ABCB9: variants seen among roughly 807,000 people sequenced by gnomAD.
ABCB9 encodes the protein ABC-type oligopeptide transporter ABCB9.
A neutral mutation model predicts 62.0 loss-of-function variants in ABCB9; 36 were observed. The ratio of observed to expected loss-of-function variants is 0.58; its 90% CI spans 0.45 to 0.77. The LOEUF (loss-of-function observed/expected upper bound fraction) is 0.77. Ranked by LOEUF, ABCB9 falls within the 30% of genes least tolerant of loss-of-function variation. The pLI, the probability that ABCB9 is intolerant of heterozygous loss-of-function variation, is 0.00. For synonymous variants in ABCB9, 435 were observed against 461.4 expected (o/e 0.94, Z 0.73); for missense variants, 943 against 1,054.7 (o/e 0.89, Z 1.47).
intron 1 of ABCB9, among the ~76,000 whole-genome samples, chr12:122,965,596 C>T (rs1319242516): frequency 6.6e-6 from 1 of 152,184 alleles, no homozygotes; most frequent in Admixed American, 6.5e-5. Context: ...CAGAGAGGCG[C>T]GAGGTGCCCT....
intron 11 of ABCB9, among the ~76,000 whole-genome samples, chr12:122,922,627 C>T (rs776037307): frequency 5.9e-5 from 9 of 152,230 alleles, no homozygotes; most frequent in Non-Finnish European, 1.2e-4. Flanking sequence ...GTTCCGCTCA[C>T]CTTGGCCTCC....
intron 9 of ABCB9, 46 bp from the exon 10 acceptor site, chr12:122,935,477 A>G: frequency 6.3e-7 from 1 of 1,585,520 alleles, no homozygotes; most frequent in South Asian, 1.1e-5. Context: ...GAATGTGTTC[A>G]TCCAGCTGTC....
intron 11 of ABCB9, among the ~76,000 whole-genome samples, chr12:122,923,301 T>TTTC: frequency 6.6e-6 from 1 of 151,958 alleles, no homozygotes; most frequent in South Asian, 2.1e-4. Flanking sequence ...TTATTTATTT[T>TTTC]TTTTGAGACG....
At chr12:122,956,274 G>T (rs1479210946) in intron 2 of ABCB9, among the ~76,000 whole-genome samples, 1 of 152,202 alleles carries the variant, frequency 6.6e-6, no homozygotes, top group Non-Finnish European at 1.5e-5. Flanking sequence ...CATTGGAGGG[G>T]TACTACTATG....
Position 122,932,298 on chromosome 12 carries a change from C to G in ABCB9, c.1934G>C (p.Gly645Ala). ...CATGGCCACCCGCTGCTTCTGGCCA[C>G]CTGACAGCTGGGCGCCCTTCTCCCC... ...ETGEKGAQLS[G>A]GQKQRVAMAR... The change falls in exon 11 of 12, where the codon GGT (glycine) becomes GCT (alanine). Residue 645 changes from glycine to alanine, a missense_variant. Gly to Ala is a moderately conservative substitution (Grantham distance 60). Coordinates refer to ENST00000280560, the MANE Select transcript of ABCB9 (RefSeq NM_019625.4). This position sits in a 1 kb window ranked among gnomAD's most constrained non-coding sequence, Gnocchi z 4.7. 1 of 1,551,294 alleles carries G rather than the reference C, an allele frequency of 6.4e-7. No individual in the cohort carries two copies. Among genetic ancestry groups the G allele is most frequent in the Non-Finnish European group, 8.7e-7 (1 of 1,147,054 alleles).
At chr12:122,972,636 G>A (rs1232158355) in intron 1 of ABCB9, among the ~76,000 whole-genome samples, 1 of 151,988 alleles carries the variant, frequency 6.6e-6, no homozygotes, top group African/African-American at 2.4e-5. Flanking sequence ...TCAGCCTCCC[G>A]AGTAGCTGGG....
intron 10 of ABCB9, among the ~76,000 whole-genome samples, chr12:122,933,006 T>G (rs112666966): frequency 0.012 from 1,820 of 152,294 alleles, 32 homozygotes; most frequent in African/African-American, 0.041. Flanking sequence ...TCCTCCAGCC[T>G]CAGCCTTCTG....
At position 122,960,023 on chromosome 12, in the gene ABCB9, G is replaced by A. The variant is rs2036811666; in HGVS notation, c.213C>T (p.Asn71=). ...GCAGCCGCCGGGGCCCCAGCGCACTGTTCTTGGCCACACCAATGGTGGCTC... is the reference window on the plus strand; with the variant it reads ...GCAGCCGCCGGGGCCCCAGCGCACTATTCTTGGCCACACCAATGGTGGCTC... ...LLGATIGVAK[N]SALGPRRLRA... is the part of the protein sequence containing the mutation. The change falls in exon 2 of 12, where the codon AAC becomes AAT. Residue 71 remains asparagine, a synonymous_variant. Coordinates refer to ENST00000280560, the MANE Select transcript of ABCB9 (RefSeq NM_019625.4). 6.2e-7 allele frequency: 1 copy of A among 1,613,434 alleles called. No homozygotes were observed. The highest frequency in any genetic ancestry group is 8.5e-7 in the Non-Finnish European group (1 of 1,180,034).
Position 122,960,080 on chromosome 12 carries a change from T to C in ABCB9, c.156A>G (p.Ala52=), listed in dbSNP as rs2036814530. ...GCAGGCAGCTGCGGTACAGGCAGGCTGCCCAGAGATCCAGCACCGAGTCAA... is the reference window on the plus strand; with the variant it reads ...GCAGGCAGCTGCGGTACAGGCAGGCCGCCCAGAGATCCAGCACCGAGTCAA... ...NIFDSVLDLW[A]ACLYRSCLLL... is the part of the protein sequence containing the mutation. Residue 52 remains alanine (A), a synonymous_variant, in exon 2 of 12, where the codon GCA becomes GCG. Transcript: ENST00000280560. The C allele has an allele frequency of 6.2e-7, 1 of 1,613,482 alleles. No individual in the cohort carries two copies. Among genetic ancestry groups the C allele is most frequent in the East Asian group, 2.2e-5 (1 of 44,880 alleles).
At chr12:122,961,411 T>C (rs2036900350) in intron 1 of ABCB9, among the ~76,000 whole-genome samples, 1 of 152,112 alleles carries the variant, frequency 6.6e-6, no homozygotes, top group African/African-American at 2.4e-5. Context: ...CAGGCTGTTC[T>C]CAAACTCCTG....
rs749097755 is a variant in ABCB9, at chr12:122,932,470, C to A, written c.1904-142G>T. 191 of 1,137,824 alleles carry A rather than the reference C, an allele frequency of 1.7e-4. No individual in the cohort carries two copies. Among genetic ancestry groups the A allele is most frequent in the Non-Finnish European group, 2.2e-4 (178 of 827,432 alleles). 70.5% of individuals were successfully genotyped at this position (1,137,824 alleles called of 1,614,324 possible). On this transcript the variant is annotated intron_variant, in intron 10 of 11. Coordinates refer to ENST00000280560, the MANE Select transcript of ABCB9 (RefSeq NM_019625.4). This position sits in a 1 kb window ranked among gnomAD's most constrained non-coding sequence, Gnocchi z 4.7. ...AAAGCTCATGAAATGATGTTCCCCC[C>A]ACCCAACTCATAAGGGGCATGCAGA...
chr12:122,943,131 G>A (rs536966197), intron 7 of ABCB9, among the ~76,000 whole-genome samples: 1 of 152,228 alleles, frequency 6.6e-6, no homozygotes, highest in East Asian at 1.9e-4. Context: ...AATGGCTGAT[G>A]GCAGCTTGGG....
rs1402329625 is a variant in ABCB9, at chr12:122,943,693, G to T, written c.1380+698C>A. ...TGCCCAGGCTGGAGTGCAGTGGCGCGATCTTGGCTCACTGTAACCTCTGCC... is the reference window on the plus strand; with the variant it reads ...TGCCCAGGCTGGAGTGCAGTGGCGCTATCTTGGCTCACTGTAACCTCTGCC... On this transcript the variant is annotated intron_variant, in intron 7 of 11. Coordinates refer to ENST00000280560, the MANE Select transcript of ABCB9 (RefSeq NM_019625.4). Among the ~76,000 whole-genome samples the T allele has an allele frequency of 2.0e-5, 3 of 151,968 alleles. No homozygotes were observed. In the East Asian group the frequency reaches 5.8e-4, roughly 29 times the overall value.
intron 1 of ABCB9, among the ~76,000 whole-genome samples, chr12:122,973,603 A>AAAAAAAC (rs1566206744): frequency 9.8e-5 from 14 of 143,282 alleles, no homozygotes; most frequent in Non-Finnish European, 2.0e-4. Context: ...AAAAAAAAAA[A>AAAAAAAC]AAAAAACAAA....
chr12:122,958,713 G>A (rs528198288), intron 2 of ABCB9, among the ~76,000 whole-genome samples: 6 of 151,978 alleles, frequency 3.9e-5, no homozygotes, highest in African/African-American at 1.2e-4. Context: ...TGTGGTGCAC[G>A]CCCCTGTAGT....
rs1254967151 is a variant in ABCB9, at chr12:122,930,093, C to T, written c.2119G>A (p.Ala707Thr). The change falls in exon 12 of 12, where the codon GCG (alanine) becomes ACG (threonine). Residue 707 changes from alanine (A) to threonine (T), a missense_variant. Physicochemically the swap from Ala to Thr is moderately conservative, Grantham distance 58. Coordinates refer to ENST00000280560, the MANE Select transcript of ABCB9 (RefSeq NM_019625.4). The surrounding 1 kb of genome is among the most constrained non-coding windows in gnomAD (Gnocchi z 4.9). ...TTGTCCAGCACCACAATGAGGTGCG[C>T]GTGCTCCACGGTGCTCAGCCGGTGC... ...IAHRLSTVEH[A>T]HLIVVLDKGR... 1.3e-6 allele frequency: 2 copies of T among 1,559,420 alleles called. No individual in the cohort carries two copies. Among genetic ancestry groups the T allele is most frequent in the Non-Finnish European group, 1.7e-6 (2 of 1,151,812 alleles).
rs1044165595 is a variant in ABCB9 at position 122,947,248 on chromosome 12, G to T, written c.1054-1026C>A. 6.6e-6 allele frequency among the ~76,000 whole-genome samples: 1 copy of T among 152,172 alleles called. No homozygotes were observed. The highest frequency in any genetic ancestry group is 2.1e-4 in the South Asian group (1 of 4,828). On this transcript the variant is annotated intron_variant, in intron 5 of 11. Coordinates refer to ENST00000280560, the MANE Select transcript of ABCB9 (RefSeq NM_019625.4). The surrounding 1 kb of genome is among the most constrained non-coding windows in gnomAD (Gnocchi z 6.0). ...CCGGAAGCAAGGGGTGGGGAGCAGC[G>T]TGCCAGAAATGGCTCAGACTCTAAA...
Position 122,947,548 on chromosome 12 carries a change from G to A in ABCB9, c.1053+1076C>T. ...GTACCCCACGTGGGCCTGGGTGACTGTGAGGGGGTTGCCTGTACCTGTCAC... is the reference window on the plus strand; with the variant it reads ...GTACCCCACGTGGGCCTGGGTGACTATGAGGGGGTTGCCTGTACCTGTCAC... On this transcript the variant is annotated intron_variant, in intron 5 of 11. Coordinates refer to ENST00000280560, the MANE Select transcript of ABCB9 (RefSeq NM_019625.4). The surrounding 1 kb of genome is among the most constrained non-coding windows in gnomAD (Gnocchi z 6.0). The A allele has an allele frequency of 2.3e-6, 1 of 442,888 alleles. No individual in the cohort carries two copies. The allele number at this position is 442,888 out of a possible 1,614,324, so 27.4% of individuals were successfully genotyped here.
At chr12:122,968,817 G>A (rs552335955), upstream of ABCB9, among the ~76,000 whole-genome samples, 1 of 152,162 alleles carries the variant, frequency 6.6e-6, no homozygotes, top group Non-Finnish European at 1.5e-5. Flanking sequence ...GTTTTGCCAT[G>A]TTGGCCAGGC....
Sources: allele counts gnomAD v4.1 joint callset (sites outside exome capture counted in the v4.1 genomes callset), GRCh38; gene constraint gnomAD v4.1.1; non-coding constraint Gnocchi (gnomAD v3.1); transcripts MANE v1.5; gene names NCBI Gene and HGNC (gene_info 2026-07-23, HGNC 2026-07-21).